Variants in PCDHGB4 observed in about 807,000 individuals in gnomAD.
PCDHGB4 encodes protocadherin gamma-B4.
Under a neutral mutation model 60.5 loss-of-function variants are expected in PCDHGB4, and 38 were observed. The ratio of observed to expected loss-of-function variants is 0.63; its 90% CI spans 0.48 to 0.82. The LOEUF (loss-of-function observed/expected upper bound fraction) is 0.82. PCDHGB4 is among the 40% of genes least tolerant of loss of function. PCDHGB4 has a pLI of 0.00. For missense variants in PCDHGB4, 1,109 were observed against 1,209.6 expected (o/e 0.92, Z 1.23); for synonymous variants, 456 against 509.7 (o/e 0.89, Z 1.42).
intron 1 of PCDHGB4, chr5:141,423,228 C>T (rs1321708353): frequency 6.2e-7 from 1 of 1,613,748 alleles, no homozygotes; most frequent in Non-Finnish European, 8.5e-7. Flanking sequence ...CTGTGGCCGA[C>T]AGCATCCCCG....
chr5:141,455,550 G>C lies in PCDHGB4; in HGVS notation c.2398-39257G>C, dbSNP rs1195359804. On this transcript the variant is annotated intron_variant, in intron 1 of 3. Transcript: ENST00000519479. ...ACCAGGCATATCATTCACGTAGCCC[G>C]AGAAAAAGCTGGCCCTCCCACCCCA... 2.0e-5 allele frequency among the ~76,000 whole-genome samples: 3 copies of C among 152,138 alleles called. No individual in the cohort carries two copies. In the South Asian group the frequency reaches 6.2e-4, roughly 32 times the overall value.
rs773205213 is a variant in PCDHGB4, at chr5:141,389,849, T to C, written c.1965T>C (p.Thr655=). The change falls in exon 1 of 4, where the codon ACT becomes ACC. Residue 655 remains threonine, a synonymous_variant. Coordinates refer to ENST00000519479, the MANE Select transcript of PCDHGB4 (RefSeq NM_003736.4). ...RDGGQPPLSA[T]ATLHLVFADS... ...GTGGACAGCCACCACTCTCGGCCAC[T>C]GCCACGTTGCACCTGGTCTTCGCCG... The C allele has an allele frequency of 6.2e-7, 1 of 1,614,066 alleles. No individual in the cohort carries two copies. Among genetic ancestry groups the C allele is most frequent in the South Asian group, 1.1e-5 (1 of 91,082 alleles).
At chr5:141,492,241 C>G (rs1351937353) in intron 1 of PCDHGB4, among the ~76,000 whole-genome samples, 2 of 152,186 alleles carry the variant, frequency 1.3e-5, no homozygotes, top group East Asian at 3.9e-4. Context: ...TGCTGGCCAC[C>G]CCCACGGCCC....
intron 2 of PCDHGB4, among the ~76,000 whole-genome samples, chr5:141,502,537 G>A (rs900570745): frequency 2.0e-5 from 3 of 152,042 alleles, no homozygotes; most frequent in Admixed American, 6.6e-5. Context: ...GTTTGTTCGT[G>A]TGGTAAAAAC....
intron 1 of PCDHGB4, among the ~76,000 whole-genome samples, chr5:141,462,117 C>G (rs965365318): frequency 6.6e-6 from 1 of 152,170 alleles, no homozygotes; most frequent in African/African-American, 2.4e-5. Flanking sequence ...GCCACTGCAC[C>G]CAGTCCAATT....
intron 2 of PCDHGB4, among the ~76,000 whole-genome samples, chr5:141,496,839 AG>A (rs2099771805): frequency 1.3e-5 from 2 of 151,484 alleles, no homozygotes; most frequent in African/African-American, 4.9e-5. Context: ...CAGAACTCAT[AG>A]GCTTCCAGAC....
At chr5:141,414,790 A>G (rs1190584746) in intron 1 of PCDHGB4, 1 of 1,614,226 alleles carries the variant, frequency 6.2e-7, no homozygotes, top group South Asian at 1.1e-5. Context: ...GGTGACAGCC[A>G]GCGACAGCGG....
At position 141,477,722 on chromosome 5, in the gene PCDHGB4, A is replaced by G. The variant is rs768705340; in HGVS notation, c.2398-17085A>G. 9.3e-6 allele frequency: 15 copies of G among 1,613,878 alleles called. No homozygotes were observed. In the Middle Eastern group the frequency reaches 6.6e-4, roughly 71 times the overall value. On this transcript the variant is annotated intron_variant, in intron 1 of 3. Transcript: ENST00000519479. The surrounding 1 kb of genome is among the most constrained non-coding windows in gnomAD (Gnocchi z 4.9). ...TGAGGATCGGCGGGAATTTGAATTA[A>G]CAGCTCATATCAGCGATGGGGGCAC...
chr5:141,497,954 G>A (rs1203635313), intron 2 of PCDHGB4, among the ~76,000 whole-genome samples: 7 of 152,198 alleles, frequency 4.6e-5, no homozygotes, highest in Non-Finnish European at 1.5e-5. Context: ...CTTTCTGTTG[G>A]CCAGGCAGTG....
chr5:141,397,986 C>G, intron 1 of PCDHGB4: 2 of 1,316,082 alleles, frequency 1.5e-6, no homozygotes, highest in Non-Finnish European at 2.1e-6. Flanking sequence ...GCCTTTACAC[C>G]GCTTCCTCCT....
In PCDHGB4 at chr5:141,431,469, A is replaced by G; in HGVS notation, c.2397+41188A>G. 1.9e-6 allele frequency: 3 copies of G among 1,613,824 alleles called. No individual in the cohort carries two copies. Among genetic ancestry groups the G allele is most frequent in the Non-Finnish European group, 2.5e-6 (3 of 1,179,968 alleles). ...CGCGTGATGGTTCTGGATGCGAACG[A>G]CAACGCACCAGCGTTTGCTCAGCCC... is the stretch of plus-strand genomic sequence containing the variant. On this transcript the variant is annotated intron_variant, in intron 1 of 3. Coordinates refer to ENST00000519479, the MANE Select transcript of PCDHGB4 (RefSeq NM_003736.4). This position sits in a 1 kb window ranked among gnomAD's most constrained non-coding sequence, Gnocchi z 4.8.
intron 2 of PCDHGB4, among the ~76,000 whole-genome samples, chr5:141,499,573 A>AT (rs2099792803): frequency 1.3e-5 from 2 of 152,108 alleles, no homozygotes; most frequent in Non-Finnish European, 2.9e-5. Context: ...AGCTTCAACT[A>AT]ATGCCTTATC....
rs752071139 is a variant in PCDHGB4 at position 141,422,722 on chromosome 5, G to A, written c.2397+32441G>A. ...CTCTCTGACGGATGACACTGTCCAG[G>A]GGGTGCCTCTGTCCTCCTATGTCTC... On this transcript the variant is annotated intron_variant, in intron 1 of 3. Coordinates refer to ENST00000519479, the MANE Select transcript of PCDHGB4 (RefSeq NM_003736.4). The A allele has an allele frequency of 2.4e-5, 39 of 1,605,774 alleles. No homozygotes were observed. In the South Asian group the frequency reaches 4.0e-4, roughly 17 times the overall value.
Position 141,444,149 on chromosome 5 carries a change from T to C in PCDHGB4, c.2398-50658T>C, listed in dbSNP as rs180678850. On this transcript the variant is annotated intron_variant, in intron 1 of 3. Transcript: ENST00000519479. ...ACAGATATGTGTCACTTGTGTGTAC[T>C]GGATTTTTTTTTTTTTTTTTTTTTT... Among the ~76,000 whole-genome samples, 383 of 136,820 alleles carry C rather than the reference T, an allele frequency of 2.8e-3. 2 individuals carry two copies. Among genetic ancestry groups the C allele is most frequent in the Middle Eastern group, 0.012 (3 of 252 alleles). 89.8% of individuals were successfully genotyped at this position (136,820 alleles called of 152,430 possible). A position where few individuals can be genotyped will look rare whatever the true frequency, so the allele number is the denominator to read the frequency against.
At chr5:141,404,616 A>G (rs940307932) in intron 1 of PCDHGB4, 3 of 1,614,168 alleles carry the variant, frequency 1.9e-6, no homozygotes, top group Non-Finnish European at 2.5e-6. Flanking sequence ...GTTTTGGACC[A>G]GAATGACAAT....
At chr5:141,405,472 T>G in intron 1 of PCDHGB4, 1 of 1,056,196 alleles carries the variant, frequency 9.5e-7, no homozygotes, top group Non-Finnish European at 1.4e-6. Context: ...CAGGCTGGAA[T>G]GCAGTGGTGT....
intron 1 of PCDHGB4, among the ~76,000 whole-genome samples, chr5:141,435,375 A>G (rs80179854): frequency 0.034 from 5,131 of 152,264 alleles, 102 homozygotes; most frequent in Middle Eastern, 0.088. Flanking sequence ...TTAAATATAC[A>G]ATATACCGTA....
intron 1 of PCDHGB4, chr5:141,428,826 A>G (rs190740602): frequency 1.3e-5 from 2 of 149,304 alleles, no homozygotes; most frequent in South Asian, 2.1e-4. Context: ...GCTTTCATGT[A>G]TTTTTGAAAC....
Position 141,388,375 on chromosome 5 carries a change from G to A in PCDHGB4, c.491G>A (p.Ser164Asn), listed in dbSNP as rs2091339163. ...TCTGCCCATGATGCGGATATTGGTA[G>A]CAACACACTGCAGAATTACCAACTC... Reference protein sequence around the residue: ...LGSAHDADIGSNTLQNYQLSP... With the variant: ...LGSAHDADIGNNTLQNYQLSP... The change falls in exon 1 of 4, where the codon AGC becomes AAC. Residue 164 changes from serine to asparagine, a missense_variant. Physicochemically the swap from Ser to Asn is conservative, Grantham distance 46. This residue lies in a region of PCDHGB4 where 1,068 missense variants were observed against 1,089.9 expected (regional missense o/e 0.98). Transcript: ENST00000519479. 7.4e-6 allele frequency: 12 copies of A among 1,613,962 alleles called. No homozygotes were observed. Among genetic ancestry groups the A allele is most frequent in the Non-Finnish European group, 1.0e-5 (12 of 1,179,890 alleles).
Sources: gnomAD v4.1 joint callset for allele counts (sites outside exome capture counted in the v4.1 genomes callset) on GRCh38, gnomAD v4.1.1 for gene constraint, gnomAD v4.1.1 regional missense constraint, Gnocchi (gnomAD v3.1) non-coding constraint, MANE v1.5 for transcripts, NCBI Gene and HGNC (gene_info 2026-07-23, HGNC 2026-07-21) for gene names.